The following USP7 variants were observed in gnomAD, a reference collection of about 807,000 sequenced individuals.
USP7 encodes the protein ubiquitin specific peptidase 7, also known as ubiquitin C-terminal hydrolase 7.
In USP7, 9 loss-of-function variants were observed where a neutral mutation model predicts 162.9. That is an observed-to-expected ratio of 0.06 (90% CI 0.03 to 0.10). USP7 has a LOEUF of 0.10. Among genes scored for constraint, USP7 ranks in the 10% least tolerant of loss-of-function variants. The pLI is 1.00. For synonymous variants in USP7, 562 were observed against 475.9 expected (o/e 1.18, Z -2.35); for missense variants, 715 against 1,373.7 (o/e 0.52, Z 7.58).
rs531373348 is a variant in USP7 at position 8,908,308 on chromosome 16, G to A, written c.1271+33C>T. The A allele has an allele frequency of 3.9e-6, 6 of 1,555,288 alleles. No individual in the cohort carries two copies. In the African/African-American group the frequency reaches 6.8e-5, roughly 18 times the overall value. On this transcript the variant is annotated intron_variant, in intron 12 of 30. Transcript: ENST00000344836. ...TAACCCCCTAGACCAGCATGATGAT[G>A]AAATCTTAACTTTATATCCCACTAT...
chr16:8,905,081 G>A (rs141192867), intron 14 of USP7, 106 bp downstream of exon 14: 14,695 of 1,404,028 alleles, frequency 0.01, 119 homozygotes, highest in Middle Eastern at 0.015. Context: ...GAATACAATG[G>A]AATAAGCATA....
At chr16:8,919,315 G>T (rs1007817123) in intron 5 of USP7, among the ~76,000 whole-genome samples, 176 bp from the exon 6 acceptor site, 1 of 151,914 alleles carries the variant, frequency 6.6e-6, no homozygotes, top group African/African-American at 2.4e-5. Flanking sequence ...GTGTGAACTG[G>T]TGCAAATGCA....
rs1055832147 is a variant in USP7 at position 8,961,263 on chromosome 16, C to T, written c.79+1944G>A. On this transcript the variant is annotated intron_variant, in intron 1 of 30. Coordinates refer to ENST00000344836, the MANE Select transcript of USP7 (RefSeq NM_003470.3). ...ATCTCAGCAGTTTGGAAGGACGAGG[C>T]GGGCAGATCACCTGAGGTCGGGAGT... is the stretch of plus-strand genomic sequence containing the variant. Among the ~76,000 whole-genome samples, 15 of 151,998 alleles carry T rather than the reference C, an allele frequency of 9.9e-5. 1 individual carries two copies. Among genetic ancestry groups the T allele is most frequent in the African/African-American group, 3.6e-4 (15 of 41,378 alleles).
intron 14 of USP7, among the ~76,000 whole-genome samples, 185 bp downstream of exon 14, chr16:8,905,002 A>G (rs112778544): frequency 1.5e-3 from 232 of 152,202 alleles, no homozygotes; most frequent in African/African-American, 5.2e-3. Flanking sequence ...TATTAACATG[A>G]AATTACTTGG....
chr16:8,952,076 AC>A (rs34178482), intron 1 of USP7, among the ~76,000 whole-genome samples: 144,909 of 151,618 alleles, frequency 0.96, 69,608 homozygotes, highest in East Asian at 1. Context: ...AAAAAAGTAG[AC>A]CCCCCCGTCT....
At chr16:8,951,025 C>T (rs943830229) in intron 1 of USP7, among the ~76,000 whole-genome samples, 2 of 152,180 alleles carry the variant, frequency 1.3e-5, no homozygotes, top group Non-Finnish European at 2.9e-5. Context: ...ATTCACAGCT[C>T]TTGTGCATTG....
intron 25 of USP7, among the ~76,000 whole-genome samples, chr16:8,897,582 T>C (rs898651605): frequency 1.3e-4 from 19 of 150,558 alleles, no homozygotes; most frequent in African/African-American, 4.7e-4. Context: ...ATGCAGACTT[T>C]TTTGAAGAAC....
At chr16:8,923,104 G>A (rs1225188293) in intron 3 of USP7, 111 bp downstream of exon 3, 8 of 761,808 alleles carry the variant, frequency 1.1e-5, no homozygotes, top group African/African-American at 5.2e-5. Flanking sequence ...AGAGAAACAC[G>A]TATTTAATCT....
intron 1 of USP7, chr16:8,962,786 G>A (rs2141272247): frequency 6.3e-6 from 1 of 159,494 alleles, no homozygotes; most frequent in Non-Finnish European, 1.4e-5. Flanking sequence ...CACCGGAGCA[G>A]GTGCGGGCGA....
Position 8,896,979 on chromosome 16 carries a change from T to C in USP7, c.2819+20A>G, listed in dbSNP as rs2061691247. 2.5e-6 allele frequency: 4 copies of C among 1,594,532 alleles called. No individual in the cohort carries two copies. The highest frequency in any genetic ancestry group is 1.7e-4 in the Middle Eastern group (1 of 6,042). ...CCACCCCTAACTGAACGTCCACAAT[T>C]GGGCTCAAGAAATACTTGCCTAAGT... On this transcript the variant is annotated intron_variant, in intron 26 of 30. Coordinates refer to ENST00000344836, the MANE Select transcript of USP7 (RefSeq NM_003470.3).
chr16:8,904,656 C>A, intron 14 of USP7, 91 bp from the exon 15 acceptor site: 1 of 1,539,274 alleles, frequency 6.5e-7, no homozygotes, highest in Non-Finnish European at 8.7e-7. Flanking sequence ...ATAAAATAAT[C>A]TATTAGGCCG....
intron 11 of USP7, among the ~76,000 whole-genome samples, chr16:8,909,911 C>G (rs567779098): frequency 4.1e-4 from 62 of 152,104 alleles, no homozygotes; most frequent in African/African-American, 1.4e-3. Context: ...GGGGAACAGA[C>G]CGAGTCTCCG....
chr16:8,892,605 CTAAAAA>C lies in USP7; in HGVS notation c.*1387_*1392del, dbSNP rs765653626. 3.1e-4 allele frequency: 9 copies of C among 29,472 alleles called. No individual in the cohort carries two copies. Among genetic ancestry groups the C allele is most frequent in the Admixed American group, 4.5e-4 (1 of 2,246 alleles). 1.8% of individuals were successfully genotyped at this position (29,472 alleles called of 1,614,324 possible). On this transcript the variant is annotated 3_prime_UTR_variant, in exon 31 of 31. Coordinates refer to ENST00000344836, the MANE Select transcript of USP7 (RefSeq NM_003470.3). ...AAGAGTAAATGTGACTAGTTAGAGG[CTAAAAA>C]AAAAAAAAAAAAAAAAAAGAAACAA...
intron 10 of USP7, among the ~76,000 whole-genome samples, chr16:8,913,802 G>C (rs1237807560): frequency 6.6e-6 from 1 of 151,936 alleles, no homozygotes; most frequent in South Asian, 2.1e-4. Flanking sequence ...CCAGGCTGCA[G>C]TGCAGTGGCA....
chr16:8,894,253 G>A (rs2061647201), intron 30 of USP7, 149 bp from the exon 31 acceptor site: 5 of 750,180 alleles, frequency 6.7e-6, no homozygotes, highest in Admixed American at 2.3e-5. Context: ...CCCACCTGGA[G>A]CTAAGGAGGC....
chr16:8,909,246 T>C (rs542570243), intron 11 of USP7, among the ~76,000 whole-genome samples: 1 of 152,308 alleles, frequency 6.6e-6, no homozygotes, highest in East Asian at 1.9e-4. Context: ...CCTCACTCCA[T>C]GTCTGACTCA....
intron 16 of USP7, 125 bp downstream of exon 16, chr16:8,903,143 C>T (rs2061804143): frequency 2.3e-6 from 3 of 1,296,816 alleles, no homozygotes; most frequent in East Asian, 4.8e-5. Flanking sequence ...GGTCACACTC[C>T]TCACTGTTAG....
At chr16:8,927,751 G>A (rs756639146) in intron 2 of USP7, among the ~76,000 whole-genome samples, 9 of 152,202 alleles carry the variant, frequency 5.9e-5, no homozygotes, top group Non-Finnish European at 1.2e-4. Flanking sequence ...CAGAAGAATC[G>A]CAAAAACCCA....
chr16:8,919,674 C>T (rs909988003), intron 5 of USP7, among the ~76,000 whole-genome samples: 1 of 151,772 alleles, frequency 6.6e-6, no homozygotes, highest in South Asian at 2.1e-4. Flanking sequence ...GTGTCTCGTA[C>T]CTTCCCACCC....
Sources: gnomAD v4.1 joint callset for allele counts (sites outside exome capture counted in the v4.1 genomes callset) on GRCh38, gnomAD v4.1.1 for gene constraint, MANE v1.5 for transcripts, NCBI Gene and HGNC (gene_info 2026-07-23, HGNC 2026-07-21) for gene names.